MYCBP2: variants seen among roughly 807,000 people sequenced by gnomAD.
MYCBP2 encodes E3 ubiquitin-protein ligase MYCBP2.
A neutral mutation model predicts 525.3 loss-of-function variants in MYCBP2; 120 were observed. The ratio of observed to expected loss-of-function variants is 0.23; its 90% CI spans 0.20 to 0.27. The LOEUF (loss-of-function observed/expected upper bound fraction) is 0.27, where lower values mean the gene tolerates loss of function less well. MYCBP2 is among the 10% of genes least tolerant of loss of function. The probability of loss-of-function intolerance (pLI) is 1.00; values close to 1 mark genes in which losing one functional copy is unlikely to be tolerated. For missense variants in MYCBP2, 4,149 were observed against 5,657.1 expected, an observed-to-expected ratio of 0.73 and a Z score of 8.55; for synonymous variants, 1,894 against 1,955.8, an observed-to-expected ratio of 0.97 and a Z score of 0.83.
chr13:77,261,092 C>T, intron 12 of MYCBP2, 79 bp downstream of exon 12: 2 of 1,165,934 alleles, frequency 1.7e-6, no homozygotes, highest in East Asian at 2.6e-5. Flanking sequence ...AATTCATAAA[C>T]TTTATCTTAA....
intron 70 of MYCBP2, 106 bp from the exon 71 acceptor site, chr13:77,067,970 C>T (rs1018187916): frequency 8.6e-7 from 1 of 1,166,690 alleles, no homozygotes; most frequent in African/African-American, 1.6e-5. Flanking sequence ...CTTTGTTGCC[C>T]AGGTTGGAGT....
chr13:77,212,053 A>G lies in MYCBP2; in HGVS notation c.3165T>C (p.Gly1055=), dbSNP rs765268177. Residue 1055 remains glycine, a synonymous_variant, in exon 22 of 83, where the codon GGT becomes GGC. Coordinates refer to ENST00000544440, the MANE Select transcript of MYCBP2 (RefSeq NM_015057.5). Reference sequence around the variant, plus strand: ...GTAAAAAAGTTTGGTCCCCACTTGCACCTATCCAAGTAGCTTTTCTTCCAT... The same window carrying G: ...GTAAAAAAGTTTGGTCCCCACTTGCGCCTATCCAAGTAGCTTTTCTTCCAT... ...SKYGRKATWI[G]ASGDQTFLRI... 1 of 1,614,086 alleles carries G rather than the reference A, an allele frequency of 6.2e-7. No individual in the cohort carries two copies. The highest frequency in any genetic ancestry group is 8.5e-7 in the Non-Finnish European group (1 of 1,179,968).
At chr13:77,122,200 ACT>A (rs769372240) in intron 54 of MYCBP2, among the ~76,000 whole-genome samples, 1 of 152,008 alleles carries the variant, frequency 6.6e-6, no homozygotes, top group Non-Finnish European at 1.5e-5. Context: ...TGGCTCCAAG[ACT>A]CTGTCTGATA....
intron 20 of MYCBP2, among the ~76,000 whole-genome samples, chr13:77,224,210 C>T (rs574967961): frequency 6.6e-6 from 1 of 152,244 alleles, no homozygotes; most frequent in East Asian, 1.9e-4. Flanking sequence ...AATCACTCTC[C>T]TATTTAAAAT....
chr13:77,263,559 A>T lies in MYCBP2; in HGVS notation c.1570+92T>A, dbSNP rs1371514474. 3 of 1,081,472 alleles carry T rather than the reference A, an allele frequency of 2.8e-6. No homozygotes were observed. In the African/African-American group the frequency reaches 4.8e-5, roughly 17 times the overall value. 67.0% of individuals were successfully genotyped at this position (1,081,472 alleles called of 1,614,324 possible). ...AGACACAAAATAGCTGCTACAACAT[A>T]AGCTGAACTGGTGAAAACACAATGT... On this transcript the variant is annotated intron_variant, in intron 10 of 82. Transcript: ENST00000544440.
chr13:77,111,227 C>T (rs1014264210), intron 55 of MYCBP2, among the ~76,000 whole-genome samples: 1 of 152,034 alleles, frequency 6.6e-6, no homozygotes, highest in South Asian at 2.1e-4. Context: ...ACAATGCCAT[C>T]TTTAATTATG....
chr13:77,278,569 T>C (rs932489887), intron 4 of MYCBP2, among the ~76,000 whole-genome samples, 189 bp downstream of exon 4: 2 of 152,326 alleles, frequency 1.3e-5, no homozygotes, highest in South Asian at 4.1e-4. Context: ...TATAAATTTA[T>C]GGGGTATAAA....
chr13:77,296,705 T>C, intron 1 of MYCBP2, 31 bp from the exon 2 acceptor site: 9 of 1,278,022 alleles, frequency 7.0e-6, no homozygotes, highest in Non-Finnish European at 9.7e-6. Context: ...GGGAAAAAAA[T>C]ATGAATGTTC....
chr13:77,200,623 T>C (rs1051645713), intron 26 of MYCBP2, among the ~76,000 whole-genome samples: 29 of 151,802 alleles, frequency 1.9e-4, no homozygotes, highest in Non-Finnish European at 3.4e-4. Flanking sequence ...AAGGAAAAAA[T>C]GTTAAGGGCA....
At chr13:77,213,224 C>T (rs1341877288) in intron 21 of MYCBP2, among the ~76,000 whole-genome samples, 2 of 152,192 alleles carry the variant, frequency 1.3e-5, no homozygotes, top group African/African-American at 4.8e-5. Context: ...CCTGTAATCC[C>T]AGCACTTTGG....
At chr13:77,227,481 TACACACACAC>T (rs71704593) in intron 18 of MYCBP2, among the ~76,000 whole-genome samples, 1,700 of 145,260 alleles carry the variant, frequency 0.012, 10 homozygotes, top group Middle Eastern at 0.035. Context: ...CACACACACA[TACACACACAC>T]ACACACACAC....
At chr13:77,197,766 C>A (rs2061910032) in intron 26 of MYCBP2, among the ~76,000 whole-genome samples, 1 of 151,474 alleles carries the variant, frequency 6.6e-6, no homozygotes, top group African/African-American at 2.4e-5. Context: ...TTAACAAATG[C>A]ATACATTACA....
At chr13:77,297,177 A>G (rs1381031342) in intron 1 of MYCBP2, among the ~76,000 whole-genome samples, 3 of 152,226 alleles carry the variant, frequency 2.0e-5, no homozygotes, top group Non-Finnish European at 4.4e-5. Flanking sequence ...AGACCAAATT[A>G]TTCTTTAAGC....
intron 10 of MYCBP2, among the ~76,000 whole-genome samples, chr13:77,262,373 G>A (rs1048155566): frequency 1.9e-4 from 29 of 151,882 alleles, no homozygotes; most frequent in African/African-American, 6.0e-4. Context: ...TTAAATATAC[G>A]ACAAAAAAAT....
intron 46 of MYCBP2, among the ~76,000 whole-genome samples, chr13:77,152,638 G>A (rs1286652631): frequency 6.6e-6 from 1 of 152,194 alleles, no homozygotes; most frequent in African/African-American, 2.4e-5. Flanking sequence ...GAGACGCGCG[G>A]CTTAACCTCA....
chr13:77,188,476 T>C (rs2060968564), intron 30 of MYCBP2, among the ~76,000 whole-genome samples: 1 of 152,188 alleles, frequency 6.6e-6, no homozygotes, highest in Admixed American at 6.5e-5. Flanking sequence ...TTACATCATG[T>C]TGACTTTCCA....
rs142757927 is a variant in MYCBP2 at position 77,304,061 on chromosome 13, T to C, written c.303-7387A>G. 2.9e-4 allele frequency among the ~76,000 whole-genome samples: 44 copies of C among 152,164 alleles called. No individual in the cohort carries two copies. In the East Asian group the frequency reaches 5.0e-3, roughly 17 times the overall value. ...GAATTAGTACAACCATTGTGGAAAA[T>C]AGAATGGAGGCTCCTGAAAAAACTA... On this transcript the variant is annotated intron_variant, in intron 1 of 82. Coordinates refer to ENST00000544440, the MANE Select transcript of MYCBP2 (RefSeq NM_015057.5).
chr13:77,094,188 G>C (rs1044306904), intron 58 of MYCBP2, among the ~76,000 whole-genome samples: 5 of 152,094 alleles, frequency 3.3e-5, no homozygotes, highest in African/African-American at 1.2e-4. Flanking sequence ...TTCCAAAATG[G>C]AACTGTTGGT....
At chr13:77,124,319 T>C (rs539448905) in intron 54 of MYCBP2, among the ~76,000 whole-genome samples, 1 of 152,312 alleles carries the variant, frequency 6.6e-6, no homozygotes, top group African/African-American at 2.4e-5. Context: ...ACTCCATCAT[T>C]ATTGCAAATT....
Sources: allele counts gnomAD v4.1 joint callset (sites outside exome capture counted in the v4.1 genomes callset), GRCh38; gene constraint gnomAD v4.1.1; transcripts MANE v1.5; gene names NCBI Gene and HGNC (gene_info 2026-07-23, HGNC 2026-07-21).